Variants in ITPR1 observed in about 807,000 individuals in gnomAD.
The protein encoded by ITPR1 is inositol 1,4,5-trisphosphate-gated calcium channel ITPR1.
ITPR1 carries 96 observed loss-of-function variants against 318.4 expected under a neutral mutation model. The observed-to-expected ratio is 0.30, with a 90% CI of 0.26 to 0.36. ITPR1 has a LOEUF of 0.36. ITPR1 is among the 10% of genes least tolerant of loss of function. ITPR1 has a pLI of 1.00. For missense variants in ITPR1, 2,440 were observed against 3,460.2 expected (o/e 0.71, Z 7.40); for synonymous variants, 1,312 against 1,289.9 (o/e 1.02, Z -0.37).
intron 44 of ITPR1, among the ~76,000 whole-genome samples, chr3:4,748,911 A>G (rs1390952106): frequency 1.3e-5 from 2 of 152,138 alleles, no homozygotes; most frequent in Admixed American, 1.3e-4. Context: ...TTCCCAGCAG[A>G]CCCTCGCTGT....
intron 4 of ITPR1, among the ~76,000 whole-genome samples, chr3:4,601,792 A>AT (rs1228755932): frequency 5.3e-5 from 8 of 152,108 alleles, no homozygotes; most frequent in Non-Finnish European, 4.4e-5. Context: ...AATACTTTCA[A>AT]TTTTTTTTAT....
intron 4 of ITPR1, among the ~76,000 whole-genome samples, chr3:4,553,601 C>CCT (rs2085800953): frequency 7.4e-6 from 1 of 134,350 alleles, no homozygotes; most frequent in Admixed American, 7.6e-5. Context: ...TGGATAATTT[C>CCT]TTTTTTTTTT....
At chr3:4,682,332 A>T (rs77544032) in intron 26 of ITPR1, among the ~76,000 whole-genome samples, 1,860 of 152,368 alleles carry the variant, frequency 0.012, 40 homozygotes, top group African/African-American at 0.043. Flanking sequence ...TGGCTGACTC[A>T]AAAAGCAAAT....
chr3:4,554,132 G>T lies in ITPR1; in HGVS notation c.163+33038G>T, dbSNP rs569536033. Among the ~76,000 whole-genome samples, 62 of 152,314 alleles carry T rather than the reference G, an allele frequency of 4.1e-4. 1 individual carries two copies. The highest frequency in any genetic ancestry group is 1.4e-3 in the African/African-American group (60 of 41,564). ...TTCATTACTTCATTTAGCAGTGAGG[G>T]CAATCCCATCTTATTGGTGAGGAAA... On this transcript the variant is annotated intron_variant, in intron 4 of 61. Coordinates refer to ENST00000649015, the MANE Select transcript of ITPR1 (RefSeq NM_001378452.1).
intron 5 of ITPR1, among the ~76,000 whole-genome samples, chr3:4,636,032 G>T (rs1316880850): frequency 2.0e-5 from 3 of 151,632 alleles, no homozygotes; most frequent in Non-Finnish European, 4.4e-5. Flanking sequence ...AGCTAATTTT[G>T]TATTTTTAGT....
chr3:4,623,989 C>T (rs576608896), intron 4 of ITPR1, among the ~76,000 whole-genome samples: 132 of 152,248 alleles, frequency 8.7e-4, no homozygotes, highest in African/African-American at 3.0e-3. Flanking sequence ...GTAAAGTTAT[C>T]GGAAGTTTTG....
chr3:4,587,277 T>G (rs2090003507), intron 4 of ITPR1, among the ~76,000 whole-genome samples: 1 of 149,986 alleles, frequency 6.7e-6, no homozygotes, highest in East Asian at 2.0e-4. Context: ...CATGGTTTTT[T>G]TTTTTTTTTT....
chr3:4,590,282 G>C (rs1346111603), intron 4 of ITPR1, among the ~76,000 whole-genome samples: 1 of 143,258 alleles, frequency 7.0e-6, no homozygotes, highest in Non-Finnish European at 1.5e-5. Context: ...TAGAATTTAA[G>C]TTGCATGAGG....
intron 10 of ITPR1, among the ~76,000 whole-genome samples, chr3:4,648,475 G>T (rs4685789): frequency 0.98 from 148,803 of 152,340 alleles, 72,781 homozygotes; most frequent in East Asian, 1. Context: ...AATTAAATAC[G>T]CTGGGTAAAA....
At chr3:4,829,360 C>A (rs903424221) in intron 60 of ITPR1, among the ~76,000 whole-genome samples, 2 of 152,134 alleles carry the variant, frequency 1.3e-5, no homozygotes, top group African/African-American at 4.8e-5. Context: ...GGTCTGAAGT[C>A]ACTGTACTTT....
At position 4,846,567 on chromosome 3, in the gene ITPR1, GTTT is replaced by G. The variant is rs894625846; in HGVS notation, c.*346_*348del. 1 of 173,940 alleles carries G rather than the reference GTTT, an allele frequency of 5.7e-6. No individual in the cohort carries two copies. The highest frequency in any genetic ancestry group is 1.2e-5 in the Non-Finnish European group (1 of 81,958). 10.8% of individuals were successfully genotyped at this position (173,940 alleles called of 1,614,324 possible). A position where few individuals can be genotyped will look rare whatever the true frequency, so the allele number is the denominator to read the frequency against. On this transcript the variant is annotated 3_prime_UTR_variant, in exon 62 of 62. Transcript: ENST00000649015. Reference sequence around the variant, plus strand: ...TAAAACTAGAATAGCCAGTATTTATGTTTTTTATAAAACTGTGCAATACGAATT... The same window carrying G: ...TAAAACTAGAATAGCCAGTATTTATGTTTATAAAACTGTGCAATACGAATT...
At chr3:4,601,781 C>G (rs1298984215) in intron 4 of ITPR1, among the ~76,000 whole-genome samples, 2 of 152,008 alleles carry the variant, frequency 1.3e-5, no homozygotes, top group African/African-American at 2.4e-5. Context: ...GAAAAGTAGA[C>G]AATACTTTCA....
At chr3:4,516,380 C>A in intron 2 of ITPR1, 96 bp from the exon 3 acceptor site, 1 of 633,966 alleles carries the variant, frequency 1.6e-6, no homozygotes, top group Non-Finnish European at 2.7e-6. Flanking sequence ...AAGTAAGGCG[C>A]TTTGGAAAAT....
At chr3:4,795,550 G>C (rs191058640) in intron 53 of ITPR1, among the ~76,000 whole-genome samples, 4 of 152,172 alleles carry the variant, frequency 2.6e-5, no homozygotes, top group Non-Finnish European at 4.4e-5. Flanking sequence ...ACCCTAAAAC[G>C]TAGACGTCTT....
intron 5 of ITPR1, among the ~76,000 whole-genome samples, chr3:4,634,055 G>T (rs987255869): frequency 9.2e-5 from 14 of 152,120 alleles, no homozygotes; most frequent in African/African-American, 3.4e-4. Context: ...GTTGCTTAGG[G>T]AACATGGTGA....
At position 4,546,021 on chromosome 3, in the gene ITPR1, A is replaced by G. The variant is rs532984311; in HGVS notation, c.163+24927A>G. 2.6e-5 allele frequency among the ~76,000 whole-genome samples: 4 copies of G among 152,202 alleles called. No homozygotes were observed. The East Asian group carries it at 7.7e-4, about 29-fold the overall frequency. Reference sequence around the variant, plus strand: ...GAAATATTTAATTTTTCTATGTCTTAATTTGCTCTTGAGTAAAACGGTCAC... The same window carrying G: ...GAAATATTTAATTTTTCTATGTCTTGATTTGCTCTTGAGTAAAACGGTCAC... On this transcript the variant is annotated intron_variant, in intron 4 of 61. Coordinates refer to ENST00000649015, the MANE Select transcript of ITPR1 (RefSeq NM_001378452.1).
chr3:4,824,746 G>A (rs2049962795), intron 60 of ITPR1, among the ~76,000 whole-genome samples: 1 of 152,192 alleles, frequency 6.6e-6, no homozygotes, highest in South Asian at 2.1e-4. Context: ...TAAGACAGGA[G>A]TTAGATGGGG....
At chr3:4,703,555 G>C (rs573325158) in intron 36 of ITPR1, among the ~76,000 whole-genome samples, 1 of 152,290 alleles carries the variant, frequency 6.6e-6, no homozygotes, top group East Asian at 1.9e-4. Context: ...GTTGTGCAAA[G>C]AGGTAAGCTT....
chr3:4,833,877 G>C (rs569773252), intron 60 of ITPR1, among the ~76,000 whole-genome samples: 1 of 152,108 alleles, frequency 6.6e-6, no homozygotes, highest in African/African-American at 2.4e-5. Flanking sequence ...ATACAACATA[G>C]CCTGCATTAT....
Sources: allele counts gnomAD v4.1 joint callset (sites outside exome capture counted in the v4.1 genomes callset), GRCh38; gene constraint gnomAD v4.1.1; transcripts MANE v1.5; gene names NCBI Gene and HGNC (gene_info 2026-07-23, HGNC 2026-07-21).